Variants in DARS1 observed in about 807,000 individuals in gnomAD.
DARS1 encodes the protein aspartate--tRNA ligase, cytoplasmic.
In DARS1, 51 loss-of-function variants were observed where a neutral mutation model predicts 68.8. That is an observed-to-expected ratio of 0.74 (90% CI 0.59 to 0.94). The LOEUF is 0.94. Ranked by LOEUF, DARS1 falls within the 40% of genes least tolerant of loss-of-function variation. The pLI is 0.00. For synonymous variants in DARS1, 203 were observed against 190.4 expected (o/e 1.07, Z -0.55); for missense variants, 607 against 597.3 (o/e 1.02, Z -0.17).
chr2:135,975,330 G>A (rs992429790), intron 3 of DARS1, among the ~76,000 whole-genome samples: 1 of 152,074 alleles, frequency 6.6e-6, no homozygotes, highest in Non-Finnish European at 1.5e-5. Flanking sequence ...GGGCGACAGA[G>A]CGAGACTCTG....
chr2:135,927,500 T>C (rs1033379048), intron 7 of DARS1, among the ~76,000 whole-genome samples: 1 of 152,152 alleles, frequency 6.6e-6, no homozygotes, highest in African/African-American at 2.4e-5. Context: ...ACTAATAATA[T>C]TAGTTTCCTT....
Position 135,932,861 on chromosome 2 carries a change from A to T in DARS1, c.505-19T>A. 9.0e-7 allele frequency: 1 copy of T among 1,106,828 alleles called. No individual in the cohort carries two copies. The highest frequency in any genetic ancestry group is 1.3e-6 in the Non-Finnish European group (1 of 749,568). 68.6% of individuals were successfully genotyped at this position (1,106,828 alleles called of 1,614,324 possible). ...TTCCTTCCTAAAAAAAAAAAAAAAGAAAAGAAAAAAATAAATTTTACTAAT... is the reference window on the plus strand; with the variant it reads ...TTCCTTCCTAAAAAAAAAAAAAAAGTAAAGAAAAAAATAAATTTTACTAAT... On this transcript the variant is annotated intron_variant, in intron 6 of 15. Coordinates refer to ENST00000264161, the MANE Select transcript of DARS1 (RefSeq NM_001349.4).
intron 5 of DARS1, among the ~76,000 whole-genome samples, chr2:135,941,418 C>T (rs949917584): frequency 6.6e-6 from 1 of 152,132 alleles, no homozygotes; most frequent in African/African-American, 2.4e-5. Flanking sequence ...AAAGGATTCC[C>T]TATTTAATAA....
chr2:135,962,424 C>T (rs573588190), intron 3 of DARS1, among the ~76,000 whole-genome samples: 1 of 152,120 alleles, frequency 6.6e-6, no homozygotes, highest in African/African-American at 2.4e-5. Context: ...TGTAAAACAT[C>T]ACAAGATTTT....
intron 15 of DARS1, chr2:135,910,872 G>T (rs1680881360): frequency 5.8e-6 from 2 of 342,206 alleles, no homozygotes; most frequent in Middle Eastern, 9.1e-4. Flanking sequence ...GCTTTAATTT[G>T]TGCTAATGCG....
intron 3 of DARS1, among the ~76,000 whole-genome samples, chr2:135,975,729 G>C (rs934795865): frequency 5.4e-5 from 8 of 147,168 alleles, no homozygotes; most frequent in Non-Finnish European, 1.2e-4. Context: ...ACTCCAGCCT[G>C]TGTGACAGGG....
At chr2:135,909,458 A>G (rs1163627314) in intron 15 of DARS1, among the ~76,000 whole-genome samples, 1 of 152,172 alleles carries the variant, frequency 6.6e-6, no homozygotes, top group Admixed American at 6.5e-5. Context: ...TAACATATCT[A>G]TCATCTTGCA....
At chr2:135,942,264 T>A (rs919724261) in intron 5 of DARS1, among the ~76,000 whole-genome samples, 3 of 152,136 alleles carry the variant, frequency 2.0e-5, no homozygotes, top group Non-Finnish European at 4.4e-5. Flanking sequence ...CAAATGTCCA[T>A]CAATGATAGA....
chr2:135,915,112 T>A (rs1396936792), intron 11 of DARS1, among the ~76,000 whole-genome samples: 1 of 152,098 alleles, frequency 6.6e-6, no homozygotes, highest in Non-Finnish European at 1.5e-5. Flanking sequence ...ATATATTTTT[T>A]TTTGTTAAAC....
At chr2:135,910,672 C>A (rs1270637859) in intron 15 of DARS1, among the ~76,000 whole-genome samples, 1 of 152,090 alleles carries the variant, frequency 6.6e-6, no homozygotes, top group Admixed American at 6.5e-5. Flanking sequence ...ATAAAAACTT[C>A]AATGAAACTA....
intron 1 of DARS1, 44 bp from the exon 2 acceptor site, chr2:135,983,498 T>G: frequency 1.3e-6 from 1 of 765,482 alleles, no homozygotes; most frequent in Non-Finnish European, 2.3e-6. Flanking sequence ...ATGTAAACAC[T>G]AAGAGCACAG....
At chr2:135,947,985 AAAT>A (rs1681763894) in intron 4 of DARS1, among the ~76,000 whole-genome samples, 1 of 152,236 alleles carries the variant, frequency 6.6e-6, no homozygotes, top group African/African-American at 2.4e-5. Context: ...CAAAATCTTT[AAAT>A]AATAATTTCA....
chr2:135,969,849 A>C (rs568573497), intron 3 of DARS1, among the ~76,000 whole-genome samples: 37 of 152,168 alleles, frequency 2.4e-4, no homozygotes, highest in Non-Finnish European at 5.0e-4. Flanking sequence ...TATGGTCACA[A>C]TATTTTTGCC....
chr2:135,938,763 C>G (rs538891988), intron 5 of DARS1, among the ~76,000 whole-genome samples: 43 of 152,208 alleles, frequency 2.8e-4, no homozygotes, highest in African/African-American at 9.2e-4. Flanking sequence ...ATTCAGCAGA[C>G]CCATCTCACA....
intron 5 of DARS1, among the ~76,000 whole-genome samples, chr2:135,940,128 A>G (rs978409727): frequency 1.1e-4 from 16 of 152,220 alleles, no homozygotes; most frequent in Non-Finnish European, 1.9e-4. Flanking sequence ...AATCAACAGA[A>G]AAAGAGGGAA....
intron 3 of DARS1, among the ~76,000 whole-genome samples, chr2:135,964,545 A>G (rs1211329780): frequency 6.6e-6 from 1 of 152,194 alleles, no homozygotes; most frequent in Non-Finnish European, 1.5e-5. Context: ...ATCAACGGTT[A>G]TAAGTGAAGT....
At chr2:135,979,475 C>T (rs1682574758) in intron 2 of DARS1, 109 bp from the exon 3 acceptor site, 1 of 644,256 alleles carries the variant, frequency 1.6e-6, no homozygotes, top group Non-Finnish European at 2.7e-6. Flanking sequence ...TGGAACCATC[C>T]TGAATAATTC....
rs182036302 is a variant in DARS1 at position 135,957,660 on chromosome 2, C to G, written c.320+3736G>C. Among the ~76,000 whole-genome samples the G allele has an allele frequency of 4.9e-4, 75 of 152,322 alleles. 2 individuals are homozygous for G. Among genetic ancestry groups the G allele is most frequent in the Admixed American group, 3.7e-3 (56 of 15,298 alleles). ...TACAGGCATGAGCCACCATGCCCAG[C>G]TGATCCAAAATAAGCGTGGTGAGAA... On this transcript the variant is annotated intron_variant, in intron 4 of 15. Coordinates refer to ENST00000264161, the MANE Select transcript of DARS1 (RefSeq NM_001349.4).
intron 12 of DARS1, 76 bp from the exon 13 acceptor site, chr2:135,912,642 A>G: frequency 3.2e-6 from 2 of 629,170 alleles, no homozygotes; most frequent in South Asian, 4.5e-5. Flanking sequence ...TTAACTTTAT[A>G]CAAAAATTTT....
Sources: gnomAD v4.1 joint callset for allele counts (sites outside exome capture counted in the v4.1 genomes callset) on GRCh38, gnomAD v4.1.1 for gene constraint, MANE v1.5 for transcripts, NCBI Gene and HGNC (gene_info 2026-07-23, HGNC 2026-07-21) for gene names.